Variants in MED19 observed in about 807,000 individuals in gnomAD.
MED19 encodes mediator of RNA polymerase II transcription subunit 19.
Under a neutral mutation model 19.9 loss-of-function variants are expected in MED19, and 4 were observed. That is an observed-to-expected ratio of 0.20 (90% CI 0.10 to 0.46). The LOEUF (loss-of-function observed/expected upper bound fraction) is 0.46, where lower values mean the gene tolerates loss of function less well. Among genes scored for constraint, MED19 ranks in the 20% least tolerant of loss-of-function variants. MED19 has a pLI of 0.99. For synonymous variants in MED19, 139 were observed against 119.6 expected (o/e 1.16, Z -1.06); for missense variants, 303 against 318.7 (o/e 0.95, Z 0.38).
intron 1 of MED19, among the ~76,000 whole-genome samples, chr11:57,710,925 G>C (rs1482931897): frequency 6.6e-6 from 1 of 152,164 alleles, no homozygotes; most frequent in African/African-American, 2.4e-5. Context: ...AAACTCCTGG[G>C]CTCAAGGGAT....
At chr11:57,704,669 GTTTTTTTTTTT>G (rs34198151) in intron 3 of MED19, 39 bp downstream of exon 3, 157 of 1,287,742 alleles carry the variant, frequency 1.2e-4, no homozygotes, top group East Asian at 4.0e-4. Context: ...AGAAGGTCAG[GTTTTTTTTTTT>G]TTTTTTTTTT....
intron 1 of MED19, among the ~76,000 whole-genome samples, chr11:57,706,765 CAAAA>C (rs569527923): frequency 1.3e-4 from 20 of 152,082 alleles, no homozygotes; most frequent in Non-Finnish European, 1.8e-4. Context: ...ACAACAAAAA[CAAAA>C]AAACAAGTCA....
chr11:57,711,406 G>A (rs1398023515), intron 1 of MED19, among the ~76,000 whole-genome samples: 1 of 152,212 alleles, frequency 6.6e-6, no homozygotes, highest in South Asian at 2.1e-4. Flanking sequence ...AGGCTGGAGT[G>A]CAGTGGAGCA....
intron 1 of MED19, among the ~76,000 whole-genome samples, chr11:57,706,962 C>A (rs1169995956): frequency 6.6e-6 from 1 of 152,088 alleles, no homozygotes; most frequent in Non-Finnish European, 1.5e-5. Flanking sequence ...CTTTGGGAGG[C>A]CAAGGCAGGC....
chr11:57,710,173 G>A (rs373929943), intron 1 of MED19, among the ~76,000 whole-genome samples: 4 of 152,292 alleles, frequency 2.6e-5, no homozygotes, highest in East Asian at 3.9e-4. Flanking sequence ...ACCAGCTTGC[G>A]CAACACAGTA....
chr11:57,704,320 T>C (rs770199032), exon 4 of MED19: 80 of 1,534,994 alleles, frequency 5.2e-5, no homozygotes, highest in Non-Finnish European at 6.8e-5. Context: ...TCTTCTTCTC[T>C]TTCTTCTTCC....
intron 1 of MED19, among the ~76,000 whole-genome samples, chr11:57,711,758 C>T (rs900085933): frequency 3.9e-5 from 6 of 152,134 alleles, no homozygotes; most frequent in African/African-American, 1.4e-4. Context: ...CGCCATTCAT[C>T]CCTTTGGTTG....
chr11:57,703,916 C>G, exon 5 of MED19: 38 of 1,413,160 alleles, frequency 2.7e-5, no homozygotes, highest in Non-Finnish European at 3.5e-5. Context: ...CCAACAGGAG[C>G]TGGCCTCTGT....
rs760476894 is a variant in MED19 at position 57,704,922 on chromosome 11, A to G, written c.474+51T>C. On this transcript the variant is annotated intron_variant, in intron 2 of 4. Coordinates refer to ENST00000431606, the Ensembl canonical transcript of MED19. The stretch of plus-strand genomic sequence containing the variant: ...AGGAACAGACTTGGAGAGAAAAACC[A>G]TCTCCATGTTTAGGCCTCCCCATTT... 6 of 1,604,080 alleles carry G rather than the reference A, an allele frequency of 3.7e-6. No individual in the cohort carries two copies. In the East Asian group the frequency reaches 1.1e-4, roughly 30 times the overall value.
intron 1 of MED19, among the ~76,000 whole-genome samples, chr11:57,705,518 G>C (rs1248898125): frequency 6.6e-6 from 1 of 151,998 alleles, no homozygotes; most frequent in Non-Finnish European, 1.5e-5. Context: ...GCCAGGCGTG[G>C]TAGCACGTGC....
intron 3 of MED19, 81 bp from the exon 4 acceptor site, chr11:57,704,477 T>C: frequency 1.3e-6 from 2 of 1,547,328 alleles, no homozygotes; most frequent in Non-Finnish European, 1.7e-6. Flanking sequence ...TACAGGAAAA[T>C]CCCAAGTCGG....
chr11:57,704,677 T>TTG, intron 3 of MED19, 42 bp downstream of exon 3: 2 of 1,541,598 alleles, frequency 1.3e-6, no homozygotes, highest in Middle Eastern at 2.0e-4. Flanking sequence ...AGGTTTTTTT[T>TTG]TTTTTTTTTT....
intron 1 of MED19, among the ~76,000 whole-genome samples, chr11:57,711,232 C>T (rs189379693): frequency 8.3e-4 from 127 of 152,306 alleles, no homozygotes; most frequent in Non-Finnish European, 1.3e-3. Context: ...CAGGAAATGC[C>T]GGAACCTTAG....
chr11:57,711,233 G>A (rs962599189), intron 1 of MED19, among the ~76,000 whole-genome samples: 3 of 152,164 alleles, frequency 2.0e-5, no homozygotes, highest in South Asian at 2.1e-4. Flanking sequence ...AGGAAATGCC[G>A]GAACCTTAGA....
At chr11:57,705,508 G>A (rs1393697086) in intron 1 of MED19, among the ~76,000 whole-genome samples, 1 of 152,002 alleles carries the variant, frequency 6.6e-6, no homozygotes, top group African/African-American at 2.4e-5. Flanking sequence ...CAAAAAATTA[G>A]CCAGGCGTGG....
intron 1 of MED19, among the ~76,000 whole-genome samples, chr11:57,710,703 T>A (rs1436849993): frequency 6.6e-6 from 1 of 152,086 alleles, no homozygotes; most frequent in Non-Finnish European, 1.5e-5. Flanking sequence ...CCCCTCAATT[T>A]TTTTTTTTTA....
chr11:57,711,834 C>T (rs1475752995), intron 1 of MED19, 129 bp downstream of exon 1: 9 of 1,042,410 alleles, frequency 8.6e-6, no homozygotes, highest in Middle Eastern at 3.1e-4. Flanking sequence ...GCGCTTCCGA[C>T]TTAGGGCTCC....
At chr11:57,707,631 G>A (rs904892041) in intron 1 of MED19, among the ~76,000 whole-genome samples, 3 of 152,098 alleles carry the variant, frequency 2.0e-5, no homozygotes, top group Non-Finnish European at 2.9e-5. Flanking sequence ...AATGGCAGGA[G>A]ACCCAATGTC....
chr11:57,705,138 C>G, exon 2 of MED19: 5 of 1,614,188 alleles, frequency 3.1e-6, no homozygotes, highest in African/African-American at 1.3e-5. Context: ...TACTTAGCTT[C>G]TCCTTCACCT....
Sources: gnomAD v4.1 joint callset for allele counts (sites outside exome capture counted in the v4.1 genomes callset) on GRCh38, gnomAD v4.1.1 for gene constraint, MANE v1.5 for transcripts, NCBI Gene and HGNC (gene_info 2026-07-23, HGNC 2026-07-21) for gene names.